MAML3: variants seen among roughly 807,000 people sequenced by gnomAD.
The protein encoded by MAML3 is mastermind like transcriptional coactivator 3.
MAML3 carries 27 observed loss-of-function variants against 101.9 expected under a neutral mutation model. The ratio of observed to expected loss-of-function variants is 0.27; its 90% CI spans 0.20 to 0.37. The LOEUF is 0.37. Ranked by LOEUF, MAML3 falls within the 10% of genes least tolerant of loss-of-function variation. The pLI is 1.00. For missense variants in MAML3, 1,316 were observed against 1,444.9 expected (o/e 0.91, Z 1.45); for synonymous variants, 501 against 555.9 (o/e 0.90, Z 1.39).
At chr4:139,945,116 T>C (rs1057051514) in intron 1 of MAML3, among the ~76,000 whole-genome samples, 11 of 152,232 alleles carry the variant, frequency 7.2e-5, no homozygotes, top group African/African-American at 2.7e-4. Flanking sequence ...TCCAAGGCAG[T>C]TTCCAGGAAG....
intron 2 of MAML3, among the ~76,000 whole-genome samples, chr4:139,864,409 C>T (rs932748840): frequency 3.9e-5 from 6 of 152,154 alleles, no homozygotes; most frequent in Admixed American, 1.3e-4. Flanking sequence ...CCAGGTGCGG[C>T]GGCTCACGCC....
chr4:140,051,109 G>C (rs1247926703), intron 1 of MAML3, among the ~76,000 whole-genome samples: 1 of 152,152 alleles, frequency 6.6e-6, no homozygotes, highest in East Asian at 1.9e-4. Flanking sequence ...TGAAGGCATA[G>C]CAAAAATTCC....
intron 1 of MAML3, among the ~76,000 whole-genome samples, chr4:139,914,437 T>C (rs1399450209): frequency 6.6e-6 from 1 of 152,036 alleles, no homozygotes; most frequent in East Asian, 1.9e-4. Flanking sequence ...CCTGCCCTAT[T>C]CCTACCTCCA....
At chr4:139,920,500 C>T (rs1733105577) in intron 1 of MAML3, among the ~76,000 whole-genome samples, 2 of 152,150 alleles carry the variant, frequency 1.3e-5, no homozygotes, top group African/African-American at 4.8e-5. Context: ...CTCCCCAAAA[C>T]AAAAAGGCAG....
intron 1 of MAML3, among the ~76,000 whole-genome samples, chr4:140,039,232 G>C (rs1727038827): frequency 6.6e-6 from 1 of 152,138 alleles, no homozygotes; most frequent in African/African-American, 2.4e-5. Context: ...AATTCAAAGG[G>C]GAGAACCACA....
chr4:139,743,592 G>A (rs753048121), intron 2 of MAML3, among the ~76,000 whole-genome samples: 12 of 152,170 alleles, frequency 7.9e-5, no homozygotes, highest in Non-Finnish European at 1.8e-4. Context: ...GAGTGGAGGA[G>A]GGGTGAGTGG....
At chr4:140,077,438 C>T (rs1303304129) in intron 1 of MAML3, among the ~76,000 whole-genome samples, 1 of 152,202 alleles carries the variant, frequency 6.6e-6, no homozygotes, top group Non-Finnish European at 1.5e-5. Context: ...AAGGCCAATG[C>T]TTTCTTCCAT....
chr4:140,141,568 G>C (rs1728980651), intron 1 of MAML3, among the ~76,000 whole-genome samples: 1 of 152,162 alleles, frequency 6.6e-6, no homozygotes, highest in Admixed American at 6.5e-5. Flanking sequence ...AAGGTAAAAA[G>C]AACCACAAAA....
chr4:139,949,136 C>T (rs1265297279), intron 1 of MAML3, among the ~76,000 whole-genome samples: 4 of 152,160 alleles, frequency 2.6e-5, no homozygotes, highest in Non-Finnish European at 5.9e-5. Context: ...CTGCCTCAGC[C>T]TCCCTAGTAG....
chr4:140,134,332 C>T (rs1156840674), intron 1 of MAML3: 7 of 456,664 alleles, frequency 1.5e-5, no homozygotes, highest in East Asian at 7.0e-5. Context: ...CCAAGTCAAG[C>T]GAGGCAAGTC....
Position 140,071,107 on chromosome 4 carries a change from C to T in MAML3, c.468+81753G>A, listed in dbSNP as rs561790728. 1.0e-3 allele frequency among the ~76,000 whole-genome samples: 156 copies of T among 152,348 alleles called. 1 individual carries two copies. The highest frequency in any genetic ancestry group is 3.0e-3 in the African/African-American group (126 of 41,586). ...ATCTTCTGAAGCCTCCTTTGTCTAT[C>T]GGATGCATACTGTGCACCTTGTCAT... On this transcript the variant is annotated intron_variant, in intron 1 of 4. Transcript: ENST00000509479.
At chr4:139,903,087 A>T (rs565571148) in intron 1 of MAML3, among the ~76,000 whole-genome samples, 45 of 152,370 alleles carry the variant, frequency 3.0e-4, no homozygotes, top group African/African-American at 1.0e-3. Context: ...TCCTGGGTTA[A>T]CCAAGTACTG....
chr4:140,081,819 G>A (rs927806569), intron 1 of MAML3, among the ~76,000 whole-genome samples: 2 of 152,136 alleles, frequency 1.3e-5, no homozygotes, highest in Non-Finnish European at 2.9e-5. Context: ...CCCATCAAAG[G>A]CCACTGTGGA....
chr4:139,953,806 A>G (rs1392222557), intron 1 of MAML3, among the ~76,000 whole-genome samples: 3 of 152,168 alleles, frequency 2.0e-5, no homozygotes, highest in Non-Finnish European at 4.4e-5. Flanking sequence ...AGTAGCTGCT[A>G]TTCCTATACT....
intron 2 of MAML3, among the ~76,000 whole-genome samples, chr4:139,853,977 A>G (rs1337160628): frequency 1.3e-5 from 2 of 151,870 alleles, no homozygotes; most frequent in Admixed American, 1.3e-4. Context: ...ATGCGCCATC[A>G]TGCCCAGCTA....
At chr4:139,914,497 GA>G (rs916522843) in intron 1 of MAML3, among the ~76,000 whole-genome samples, 36 of 150,580 alleles carry the variant, frequency 2.4e-4, no homozygotes, top group East Asian at 7.8e-4. Flanking sequence ...TTGTGGGGAG[GA>G]AAAAAAAAGA....
intron 1 of MAML3, among the ~76,000 whole-genome samples, chr4:140,127,575 T>A (rs963481980): frequency 6.6e-6 from 1 of 152,146 alleles, no homozygotes; most frequent in Admixed American, 6.5e-5. Context: ...CATGCTCTAC[T>A]TTTTTGGAGA....
At position 140,048,719 on chromosome 4, in the gene MAML3, T is replaced by A. The variant is rs145320826; in HGVS notation, c.468+104141A>T. Among the ~76,000 whole-genome samples, 823 of 152,344 alleles carry A rather than the reference T, an allele frequency of 5.4e-3. 8 individuals carry two copies. The highest frequency in any genetic ancestry group is 0.018 in the African/African-American group (747 of 41,582). ...AAGAACAGCCTTTCACATTTCACTT[T>A]GTGCTTGCTTAGACCCTGCCAAGAC... is the stretch of plus-strand genomic sequence containing the variant. On this transcript the variant is annotated intron_variant, in intron 1 of 4. Coordinates refer to ENST00000509479, the MANE Select transcript of MAML3 (RefSeq NM_018717.5).
intron 1 of MAML3, among the ~76,000 whole-genome samples, chr4:139,915,068 T>A (rs981907805): frequency 6.6e-6 from 1 of 152,216 alleles, no homozygotes; most frequent in Non-Finnish European, 1.5e-5. Flanking sequence ...CCGGGAGGCT[T>A]ATATTTACTG....
Sources: gnomAD v4.1 joint callset for allele counts (sites outside exome capture counted in the v4.1 genomes callset) on GRCh38, gnomAD v4.1.1 for gene constraint, MANE v1.5 for transcripts, NCBI Gene and HGNC (gene_info 2026-07-23, HGNC 2026-07-21) for gene names.